PITPNC1: variants seen among roughly 807,000 people sequenced by gnomAD.
PITPNC1 encodes the protein cytoplasmic phosphatidylinositol transfer protein 1.
A neutral mutation model predicts 44.7 loss-of-function variants in PITPNC1; 18 were observed. That is an observed-to-expected ratio of 0.40 (90% CI 0.28 to 0.60). PITPNC1 has a LOEUF of 0.60. Among genes scored for constraint, PITPNC1 ranks in the 20% least tolerant of loss-of-function variants. The pLI, the probability that PITPNC1 is intolerant of heterozygous loss-of-function variation, is 0.39. For synonymous variants in PITPNC1, 141 were observed against 149.6 expected (o/e 0.94, Z 0.42); for missense variants, 290 against 418.4 (o/e 0.69, Z 2.68).
At chr17:67,561,222 G>C (rs556585775) in intron 4 of PITPNC1, among the ~76,000 whole-genome samples, 1 of 152,198 alleles carries the variant, frequency 6.6e-6, no homozygotes, top group African/African-American at 2.4e-5. Context: ...CTGGGAGGCC[G>C]AGGCAGGTGG....
At chr17:67,423,710 A>G (rs977879914) in intron 1 of PITPNC1, among the ~76,000 whole-genome samples, 1 of 152,140 alleles carries the variant, frequency 6.6e-6, no homozygotes, top group Non-Finnish European at 1.5e-5. Context: ...GTTCTGGAGC[A>G]AAGGACAAAT....
intron 6 of PITPNC1, among the ~76,000 whole-genome samples, chr17:67,639,577 T>C (rs1217023277): frequency 6.6e-6 from 1 of 152,254 alleles, no homozygotes; most frequent in African/African-American, 2.4e-5. Flanking sequence ...CATGGGCCCC[T>C]GACGTGGCAT....
rs1236910499 is a variant in PITPNC1 at position 67,597,135 on chromosome 17, G to A, written c.366+18878G>A. On this transcript the variant is annotated intron_variant, in intron 5 of 8. Transcript: ENST00000581322. This position sits in a 1 kb window ranked among gnomAD's most constrained non-coding sequence, Gnocchi z 4.0. Reference sequence around the variant, plus strand: ...TCTTGAACCCCTGGGCTCAAGTGATGCCCCCACCTTGGCCTCCCAAACTGC... The same window carrying A: ...TCTTGAACCCCTGGGCTCAAGTGATACCCCCACCTTGGCCTCCCAAACTGC... Among the ~76,000 whole-genome samples, 2 of 151,870 alleles carry A rather than the reference G, an allele frequency of 1.3e-5. No homozygotes were observed. Among genetic ancestry groups the A allele is most frequent in the Non-Finnish European group, 2.9e-5 (2 of 67,970 alleles).
At chr17:67,513,489 GTA>G (rs571272051) in intron 1 of PITPNC1, among the ~76,000 whole-genome samples, 6,312 of 138,478 alleles carry the variant, frequency 0.046, 408 homozygotes, top group African/African-American at 0.15. Flanking sequence ...GTGTGTGTGT[GTA>G]TATATATATA....
chr17:67,552,495 G>A, intron 3 of PITPNC1, 150 bp downstream of exon 3: 1 of 611,364 alleles, frequency 1.6e-6, no homozygotes, highest in Non-Finnish European at 2.9e-6. Context: ...TTACTTGTAG[G>A]TTATCAACAC....
At chr17:67,615,962 T>C in intron 5 of PITPNC1, among the ~76,000 whole-genome samples, 1 of 152,156 alleles carries the variant, frequency 6.6e-6, no homozygotes, top group Non-Finnish European at 1.5e-5. Context: ...GAGGCTACTT[T>C]GCACCAAAAT....
chr17:67,617,297 G>A (rs1178863664), intron 5 of PITPNC1, among the ~76,000 whole-genome samples: 2 of 152,224 alleles, frequency 1.3e-5, no homozygotes, highest in Non-Finnish European at 2.9e-5. Flanking sequence ...CTTGAGGTCA[G>A]GAGTTTGAGA....
chr17:67,418,284 T>C (rs545964481), intron 1 of PITPNC1, among the ~76,000 whole-genome samples: 49 of 152,332 alleles, frequency 3.2e-4, no homozygotes, highest in African/African-American at 1.2e-3. Flanking sequence ...GGTCTGCTTA[T>C]GGCAGTGCTG....
At chr17:67,682,382 A>G (rs1283173885) in intron 8 of PITPNC1, among the ~76,000 whole-genome samples, 1 of 152,144 alleles carries the variant, frequency 6.6e-6, no homozygotes, top group Non-Finnish European at 1.5e-5. Context: ...AGTGGAGCTG[A>G]TGGTTGAGGA....
At chr17:67,446,491 G>A (rs1430634847) in intron 1 of PITPNC1, among the ~76,000 whole-genome samples, 1 of 149,364 alleles carries the variant, frequency 6.7e-6, no homozygotes, top group Non-Finnish European at 1.5e-5. Context: ...TAGGAGTATG[G>A]TACAAAAATA....
chr17:67,599,016 A>G lies in PITPNC1; in HGVS notation c.366+20759A>G, dbSNP rs926546576. The stretch of plus-strand genomic sequence containing the variant: ...ATAAGAAATACATATATATATATAT[A>G]TATATATATATATATATATTTTTTT... On this transcript the variant is annotated intron_variant, in intron 5 of 8. Transcript: ENST00000581322. Among the ~76,000 whole-genome samples, 14 of 34,004 alleles carry G rather than the reference A, an allele frequency of 4.1e-4. 1 individual carries two copies. Among genetic ancestry groups the G allele is most frequent in the South Asian group, 1.1e-3 (1 of 882 alleles). The allele number at this position is 34,004 out of a possible 152,430, so 22.3% of individuals were successfully genotyped here. A position where few individuals can be genotyped will look rare whatever the true frequency, so the allele number is the denominator to read the frequency against.
At chr17:67,509,260 C>T (rs1383889645) in intron 1 of PITPNC1, among the ~76,000 whole-genome samples, 1 of 149,654 alleles carries the variant, frequency 6.7e-6, no homozygotes, top group African/African-American at 2.5e-5. Flanking sequence ...TAAAATAGGC[C>T]GGGCGTGGTG....
chr17:67,425,227 A>G lies in PITPNC1; in HGVS notation c.48+47025A>G, dbSNP rs919271662. Among the ~76,000 whole-genome samples, 899 of 133,998 alleles carry G rather than the reference A, an allele frequency of 6.7e-3. 21 individuals are homozygous for G. The highest frequency in any genetic ancestry group is 0.011 in the African/African-American group (390 of 35,258). 87.9% of individuals were successfully genotyped at this position (133,998 alleles called of 152,430 possible). On this transcript the variant is annotated intron_variant, in intron 1 of 8. Transcript: ENST00000581322. ...CGCACACACACACACACACACACACACACACACACACACACACACACACAC... is the reference window on the plus strand; with the variant it reads ...CGCACACACACACACACACACACACGCACACACACACACACACACACACAC...
chr17:67,468,179 G>A (rs529819841), intron 1 of PITPNC1, among the ~76,000 whole-genome samples: 1 of 152,292 alleles, frequency 6.6e-6, no homozygotes, highest in South Asian at 2.1e-4. Context: ...GTTATTTAGA[G>A]TCGTAGAAGT....
chr17:67,623,372 T>C (rs1446958394), intron 5 of PITPNC1, among the ~76,000 whole-genome samples: 2 of 152,064 alleles, frequency 1.3e-5, no homozygotes, highest in Non-Finnish European at 2.9e-5. Context: ...ATAGATTTTC[T>C]TTTCTTTTCT....
intron 6 of PITPNC1, among the ~76,000 whole-genome samples, chr17:67,651,158 A>C (rs1429796027): frequency 6.6e-6 from 1 of 152,072 alleles, no homozygotes; most frequent in Non-Finnish European, 1.5e-5. Context: ...TTTTAAGTCA[A>C]GTTTTAGGTC....
At chr17:67,638,458 A>C (rs1382028415) in intron 6 of PITPNC1, 1 of 152,260 alleles carries the variant, frequency 6.6e-6, no homozygotes, top group Non-Finnish European at 1.5e-5. Context: ...AATGGCATCT[A>C]TACTGGCCTC....
chr17:67,636,516 C>T (rs1395574733), intron 6 of PITPNC1, among the ~76,000 whole-genome samples: 1 of 152,142 alleles, frequency 6.6e-6, no homozygotes, highest in Non-Finnish European at 1.5e-5. Flanking sequence ...GTGTGACCTC[C>T]CAGGGGATCT....
chr17:67,452,944 A>G (rs1006922228), intron 1 of PITPNC1, among the ~76,000 whole-genome samples: 8 of 152,112 alleles, frequency 5.3e-5, no homozygotes, highest in Non-Finnish European at 1.0e-4. Flanking sequence ...TTTTGTTTGT[A>G]GCGATTCTAA....
Sources: allele counts gnomAD v4.1 joint callset (sites outside exome capture counted in the v4.1 genomes callset), GRCh38; gene constraint gnomAD v4.1.1; non-coding constraint Gnocchi (gnomAD v3.1); transcripts MANE v1.5; gene names NCBI Gene and HGNC (gene_info 2026-07-23, HGNC 2026-07-21).